Variants in SPOCK1 observed in about 807,000 individuals in gnomAD.
SPOCK1 encodes testican-1.
A neutral mutation model predicts 55.3 loss-of-function variants in SPOCK1; 23 were observed. That is an observed-to-expected ratio of 0.42 (90% confidence interval 0.30 to 0.59). SPOCK1 has a LOEUF of 0.59. Ranked by LOEUF, SPOCK1 falls within the 20% of genes least tolerant of loss-of-function variation. The pLI is 0.22. For synonymous variants in SPOCK1, 226 were observed against 221.0 expected, an observed-to-expected ratio of 1.02 and a Z score of -0.20; for missense variants, 499 against 552.5, an observed-to-expected ratio of 0.90 and a Z score of 0.97.
chr5:137,185,003 C>T lies in SPOCK1; in HGVS notation c.233-44309G>A, dbSNP rs529961502. ...TGATTCCCTGTGCAGAACTTAACTA[C>T]GCTTGAGACTATCTTGTCTGTCTTG... is the stretch of plus-strand genomic sequence containing the variant. On this transcript the variant is annotated intron_variant, in intron 3 of 10. Coordinates refer to ENST00000394945, the MANE Select transcript of SPOCK1 (RefSeq NM_004598.4). Among the ~76,000 whole-genome samples the T allele has an allele frequency of 9.4e-4, 143 of 152,312 alleles. 1 individual carries two copies. Among genetic ancestry groups the T allele is most frequent in the African/African-American group, 3.2e-3 (132 of 41,576 alleles).
intron 2 of SPOCK1, among the ~76,000 whole-genome samples, chr5:137,329,422 C>T (rs906067838): frequency 2.6e-5 from 4 of 152,054 alleles, no homozygotes; most frequent in African/African-American, 4.8e-5. Context: ...CTCCTAATAT[C>T]TCCTTTTGGT....
intron 2 of SPOCK1, among the ~76,000 whole-genome samples, chr5:137,421,287 G>T (rs896190757): frequency 3.9e-5 from 6 of 152,294 alleles, no homozygotes; most frequent in Admixed American, 6.5e-5. Context: ...ATTTAGGGTG[G>T]AGTGTTCTGT....
chr5:137,294,367 A>G (rs1757435865), intron 2 of SPOCK1, among the ~76,000 whole-genome samples: 1 of 152,208 alleles, frequency 6.6e-6, no homozygotes, highest in Admixed American at 6.5e-5. Context: ...AAAACCCTGT[A>G]TTAGTTACGT....
intron 4 of SPOCK1, among the ~76,000 whole-genome samples, chr5:137,121,957 T>C (rs1401745273): frequency 6.8e-6 from 1 of 148,102 alleles, no homozygotes. Flanking sequence ...TGATTATATA[T>C]ATATATATGA....
intron 2 of SPOCK1, among the ~76,000 whole-genome samples, chr5:137,366,946 T>A (rs986397599): frequency 6.6e-6 from 1 of 152,224 alleles, no homozygotes; most frequent in Non-Finnish European, 1.5e-5. Context: ...TTGCAATTTT[T>A]AAATACAAGG....
intron 3 of SPOCK1, among the ~76,000 whole-genome samples, chr5:137,258,170 A>G (rs965889236): frequency 3.3e-5 from 5 of 152,186 alleles, no homozygotes; most frequent in African/African-American, 1.2e-4. Flanking sequence ...AAATGTCATA[A>G]TTTCTATGTT....
At chr5:137,074,905 G>A (rs549606543) in intron 5 of SPOCK1, among the ~76,000 whole-genome samples, 67 of 152,096 alleles carry the variant, frequency 4.4e-4, no homozygotes, top group African/African-American at 1.4e-3. Flanking sequence ...GGGTTTCACC[G>A]TGTTAGCCAG....
chr5:137,157,890 T>C (rs1377977363), intron 3 of SPOCK1, among the ~76,000 whole-genome samples: 1 of 152,150 alleles, frequency 6.6e-6, no homozygotes, highest in African/African-American at 2.4e-5. Context: ...TGAAACCCCG[T>C]CTTTACTAAA....
At chr5:137,194,408 A>G (rs1030031314) in intron 3 of SPOCK1, among the ~76,000 whole-genome samples, 1 of 152,188 alleles carries the variant, frequency 6.6e-6, no homozygotes, top group African/African-American at 2.4e-5. Context: ...AGGGCGCAGG[A>G]GTGAGAGAAC....
chr5:137,486,721 T>C (rs949054022), intron 2 of SPOCK1, among the ~76,000 whole-genome samples: 1 of 152,222 alleles, frequency 6.6e-6, no homozygotes, highest in African/African-American at 2.4e-5. Context: ...CTTTCTGGCA[T>C]AGGAATTTTT....
chr5:137,046,539 C>A (rs1201670562), intron 6 of SPOCK1, among the ~76,000 whole-genome samples: 1 of 145,284 alleles, frequency 6.9e-6, no homozygotes, highest in Non-Finnish European at 1.5e-5. Flanking sequence ...AGATTTTGGG[C>A]TGAGACAATG....
chr5:137,274,340 G>A (rs1350945207), intron 2 of SPOCK1, among the ~76,000 whole-genome samples: 3 of 152,226 alleles, frequency 2.0e-5, no homozygotes, highest in Non-Finnish European at 2.9e-5. Context: ...AAACATGGCA[G>A]GCTTTGAAGC....
intron 2 of SPOCK1, among the ~76,000 whole-genome samples, chr5:137,409,204 T>C (rs1318251142): frequency 6.6e-6 from 1 of 152,184 alleles, no homozygotes; most frequent in Non-Finnish European, 1.5e-5. Flanking sequence ...TCCCTTTCTT[T>C]ATGAAAAGCC....
intron 3 of SPOCK1, among the ~76,000 whole-genome samples, chr5:137,175,550 A>C (rs1306371329): frequency 6.6e-6 from 1 of 152,238 alleles, no homozygotes; most frequent in Non-Finnish European, 1.5e-5. Flanking sequence ...CAGTCAATAT[A>C]GCTTACTAGT....
intron 4 of SPOCK1, among the ~76,000 whole-genome samples, chr5:137,115,335 G>C (rs1425854009): frequency 1.3e-5 from 2 of 151,942 alleles, no homozygotes; most frequent in Admixed American, 1.3e-4. Flanking sequence ...CAGAGAGGAA[G>C]TGACTTTCCC....
At chr5:137,344,800 C>T (rs1379212209) in intron 2 of SPOCK1, among the ~76,000 whole-genome samples, 2 of 152,134 alleles carry the variant, frequency 1.3e-5, no homozygotes, top group African/African-American at 4.8e-5. Context: ...TTCAGTTGGT[C>T]TGAAATGGGA....
chr5:137,281,621 C>T (rs569912437), intron 2 of SPOCK1, among the ~76,000 whole-genome samples: 3 of 152,356 alleles, frequency 2.0e-5, no homozygotes, highest in East Asian at 1.9e-4. Flanking sequence ...CCAGAAATCA[C>T]GTTTACCCAC....
intron 2 of SPOCK1, among the ~76,000 whole-genome samples, chr5:137,360,681 A>T (rs1193997996): frequency 1.3e-5 from 2 of 152,226 alleles, no homozygotes; most frequent in African/African-American, 4.8e-5. Flanking sequence ...CACTCACAGT[A>T]ACTACTAATT....
At chr5:137,297,170 T>C (rs1423568813) in intron 2 of SPOCK1, among the ~76,000 whole-genome samples, 1 of 152,200 alleles carries the variant, frequency 6.6e-6, no homozygotes, top group Non-Finnish European at 1.5e-5. Context: ...ATGCATATCT[T>C]TATGTGTGTG....
Sources: gnomAD v4.1 joint callset for allele counts (sites outside exome capture counted in the v4.1 genomes callset) on GRCh38, gnomAD v4.1.1 for gene constraint, MANE v1.5 for transcripts, NCBI Gene and HGNC (gene_info 2026-07-23, HGNC 2026-07-21) for gene names.